MYRF: variants seen among roughly 807,000 people sequenced by gnomAD.
MYRF encodes the protein myelin gene regulatory factor.
MYRF carries 16 observed loss-of-function variants against 126.3 expected under a neutral mutation model. That is an observed-to-expected ratio of 0.13 (90% CI 0.09 to 0.19). The LOEUF (loss-of-function observed/expected upper bound fraction) is 0.19, where lower values mean the gene tolerates loss of function less well. MYRF is among the 10% of genes least tolerant of loss of function. The probability of loss-of-function intolerance (pLI) is 1.00; values close to 1 mark genes in which losing one functional copy is unlikely to be tolerated. For synonymous variants in MYRF, 608 were observed against 635.3 expected (o/e 0.96, Z 0.65); for missense variants, 1,104 against 1,547.0 (o/e 0.71, Z 4.80).
intron 4 of MYRF, among the ~76,000 whole-genome samples, 193 bp from the exon 5 acceptor site, chr11:61,770,053 A>G (rs2066167779): frequency 6.6e-6 from 1 of 151,948 alleles, no homozygotes; most frequent in Non-Finnish European, 1.5e-5. Flanking sequence ...CTCCTTGGGC[A>G]GGTTTGTGCC....
intron 1 of MYRF, among the ~76,000 whole-genome samples, chr11:61,761,161 A>G (rs1429630979): frequency 1.6e-5 from 2 of 128,204 alleles, no homozygotes; most frequent in Non-Finnish European, 1.6e-5. Context: ...GGGGCAGGGG[A>G]GGGGGTGGGC....
At chr11:61,769,456 C>A in intron 4 of MYRF, 135 bp downstream of exon 4, 1 of 686,196 alleles carries the variant, frequency 1.5e-6, no homozygotes, top group Non-Finnish European at 2.6e-6. Flanking sequence ...GTCAAATACT[C>A]CCTGGCGCTT....
At chr11:61,770,856 C>A (rs936090745) in intron 5 of MYRF, among the ~76,000 whole-genome samples, 3 of 152,140 alleles carry the variant, frequency 2.0e-5, no homozygotes, top group African/African-American at 7.2e-5. Flanking sequence ...CTTACCCAGA[C>A]CCCAGTGATT....
intron 2 of MYRF, 62 bp downstream of exon 2, chr11:61,765,774 C>A: frequency 6.5e-7 from 1 of 1,529,850 alleles, no homozygotes; most frequent in Non-Finnish European, 8.9e-7. Context: ...TCCCTTCTGT[C>A]ACCAGGGAGG....
At chr11:61,773,505 A>C (rs930319151) in intron 7 of MYRF, among the ~76,000 whole-genome samples, 3 of 152,196 alleles carry the variant, frequency 2.0e-5, no homozygotes, top group Non-Finnish European at 4.4e-5. Context: ...CTGGGTCTGC[A>C]GCAGAGCAGG....
At chr11:61,784,586 C>G in intron 25 of MYRF, 1 of 575,916 alleles carries the variant, frequency 1.7e-6, no homozygotes, top group South Asian at 2.0e-5. Context: ...CTCTGCTGAG[C>G]ATCTCCCAGC....
rs2066606925 is a variant in MYRF, at chr11:61,783,472, T to G, written c.3017-26T>G. The G allele has an allele frequency of 1.3e-6, 2 of 1,583,044 alleles. No individual in the cohort carries two copies. The highest frequency in any genetic ancestry group is 1.7e-6 in the Non-Finnish European group (2 of 1,153,280). On this transcript the variant is annotated intron_variant, in intron 22 of 26. Coordinates refer to ENST00000278836, the MANE Select transcript of MYRF (RefSeq NM_001127392.3). This position sits in a 1 kb window ranked among gnomAD's most constrained non-coding sequence, Gnocchi z 4.6. ...GCCAGCTTCTCATTTGTGTCCTGCC[T>G]TGTCACCTTACTCCTGCCCCAACAG...
rs1257223536 is a variant in MYRF at position 61,777,971 on chromosome 11, T to C, written c.1903+126T>C. On this transcript the variant is annotated intron_variant, in intron 13 of 26. Coordinates refer to ENST00000278836, the MANE Select transcript of MYRF (RefSeq NM_001127392.3). This position sits in a 1 kb window ranked among gnomAD's most constrained non-coding sequence, Gnocchi z 8.8. ...CCCGGAACTGCGCCCCTGGGAATCA[T>C]GCCTTCTAGAAGTCCCGCCCCTCGG... 2 of 762,866 alleles carry C rather than the reference T, an allele frequency of 2.6e-6. No individual in the cohort carries two copies. The highest frequency in any genetic ancestry group is 2.5e-5 in the Admixed American group (1 of 40,108). The allele number at this position is 762,866 out of a possible 1,614,324, so 47.3% of individuals were successfully genotyped here. A position where few individuals can be genotyped will look rare whatever the true frequency, so the allele number is the denominator to read the frequency against.
chr11:61,765,892 G>A (rs2066042779), intron 2 of MYRF, 66 bp from the exon 3 acceptor site: 1 of 1,459,020 alleles, frequency 6.9e-7, no homozygotes, highest in African/African-American at 1.4e-5. Flanking sequence ...CTGCAGGGAG[G>A]GGGCGGCTAC....
rs758737906 is a variant in MYRF at position 61,779,943 on chromosome 11, C to T, written c.2336+13C>T. 1.2e-6 allele frequency: 2 copies of T among 1,610,956 alleles called. No individual in the cohort carries two copies. The highest frequency in any genetic ancestry group is 2.7e-5 in the African/African-American group (2 of 74,870). On this transcript the variant is annotated intron_variant, in intron 17 of 26. Transcript: ENST00000278836. ...TCATGGCCTTCAGGTGACTTGTCCC[C>T]TGGGCTCTCATGGTGGCTGACTAGG...
At chr11:61,769,697 A>G (rs1176963816) in intron 4 of MYRF, among the ~76,000 whole-genome samples, 2 of 152,156 alleles carry the variant, frequency 1.3e-5, no homozygotes, top group Admixed American at 1.3e-4. Flanking sequence ...GGCCAAGAGC[A>G]GAACCACCGC....
At chr11:61,772,441 C>T (rs1405152265) in intron 7 of MYRF, among the ~76,000 whole-genome samples, 1 of 152,270 alleles carries the variant, frequency 6.6e-6, no homozygotes, top group Non-Finnish European at 1.5e-5. Flanking sequence ...ACTCCCCTGG[C>T]TCACCCAGAA....
At position 61,770,314 on chromosome 11, in the gene MYRF, C is replaced by G; in HGVS notation, c.529C>G (p.His177Asp). 1 of 1,595,386 alleles carries G rather than the reference C, an allele frequency of 6.3e-7. No individual in the cohort carries two copies. The highest frequency in any genetic ancestry group is 8.5e-7 in the Non-Finnish European group (1 of 1,172,722). Residue 177 changes from histidine to aspartate, a missense_variant, in exon 5 of 27, where the codon CAT becomes GAT. Coordinates refer to ENST00000278836, the MANE Select transcript of MYRF (RefSeq NM_001127392.3). ...CGTGGGAGTGCCCTCCCGCCTGGAG[C>G]ATCCGCCCCCACCTCCAGCCCACTT... ...CHVGVPSRLE[H>D]PPPPPAHLPG... is the part of the protein sequence containing the mutation.
At chr11:61,763,364 C>A (rs1347758727) in intron 1 of MYRF, among the ~76,000 whole-genome samples, 1 of 152,196 alleles carries the variant, frequency 6.6e-6, no homozygotes, top group Non-Finnish European at 1.5e-5. Flanking sequence ...TCGTCCCTGG[C>A]CTGGTAGGCA....
At chr11:61,782,083 T>C (rs917881756) in intron 22 of MYRF, 3 of 443,950 alleles carry the variant, frequency 6.8e-6, no homozygotes, top group African/African-American at 2.0e-5. Flanking sequence ...TAAGGTGAAG[T>C]GACCTGCCCA....
Position 61,786,191 on chromosome 11 carries a change from C to T in MYRF, c.*48C>T, listed in dbSNP as rs1271335509. 6.5e-7 allele frequency: 1 copy of T among 1,549,962 alleles called. No individual in the cohort carries two copies. Among genetic ancestry groups the T allele is most frequent in the South Asian group, 1.1e-5 (1 of 89,456 alleles). Reference sequence around the variant, plus strand: ...ACACCAGGGACCAGGGGTGCCCAGGCACCCCCCAACACTGGATGCAATGGT... The same window carrying T: ...ACACCAGGGACCAGGGGTGCCCAGGTACCCCCCAACACTGGATGCAATGGT... On this transcript the variant is annotated 3_prime_UTR_variant, in exon 27 of 27. Coordinates refer to ENST00000278836, the MANE Select transcript of MYRF (RefSeq NM_001127392.3). This position sits in a 1 kb window ranked among gnomAD's most constrained non-coding sequence, Gnocchi z 4.5.
intron 4 of MYRF, among the ~76,000 whole-genome samples, chr11:61,769,555 C>T (rs1042152951): frequency 2.6e-5 from 4 of 152,184 alleles, no homozygotes; most frequent in Non-Finnish European, 5.9e-5. Flanking sequence ...TGCCCGCCTG[C>T]GCCATCATGG....
At chr11:61,779,457 T>A (rs1157437006) in intron 15 of MYRF, 34 bp downstream of exon 15, 1 of 1,547,496 alleles carries the variant, frequency 6.5e-7, no homozygotes. Flanking sequence ...GTGAGACCCT[T>A]CTTCCCAGGG....
At chr11:61,775,937 G>A in intron 8 of MYRF, 119 bp from the exon 9 acceptor site, 1 of 898,446 alleles carries the variant, frequency 1.1e-6, no homozygotes, top group Admixed American at 2.0e-5. Context: ...GCTGAGGGCT[G>A]GGTGCTGCCC....
Sources: allele counts gnomAD v4.1 joint callset (sites outside exome capture counted in the v4.1 genomes callset), GRCh38; gene constraint gnomAD v4.1.1; non-coding constraint Gnocchi (gnomAD v3.1); transcripts MANE v1.5; gene names NCBI Gene and HGNC (gene_info 2026-07-23, HGNC 2026-07-21).